Variants in KCTD10 observed in about 807,000 individuals in gnomAD.
The protein encoded by KCTD10 is BTB/POZ domain-containing adapter for CUL3-mediated RhoA degradation protein 3.
In KCTD10, 13 loss-of-function variants were observed where a neutral mutation model predicts 34.6. That is an observed-to-expected ratio of 0.38 (90% CI 0.24 to 0.60). The LOEUF (loss-of-function observed/expected upper bound fraction) is 0.60. Among genes scored for constraint, KCTD10 ranks in the 20% least tolerant of loss-of-function variants. KCTD10 has a pLI of 0.66. For missense variants in KCTD10, 256 were observed against 420.3 expected (o/e 0.61, Z 3.42); for synonymous variants, 156 against 168.8 (o/e 0.92, Z 0.59).
intron 1 of KCTD10, chr12:109,471,297 G>T (rs1003253882): frequency 3.0e-6 from 3 of 985,260 alleles, no homozygotes; most frequent in African/African-American, 1.7e-5. Flanking sequence ...TCAATTCAAG[G>T]TTATCCAACT....
Position 109,458,095 on chromosome 12 carries a change from T to A in KCTD10, c.388-17A>T. The A allele has an allele frequency of 2.5e-6, 4 of 1,609,236 alleles. No homozygotes were observed. The highest frequency in any genetic ancestry group is 3.4e-6 in the Non-Finnish European group (4 of 1,175,600). ...ATCTTTGTTCTGCTGGAACAAAACA[T>A]GCTTTCAGCCTAGGAGGCCTGCCTA... On this transcript the variant is annotated splice_polypyrimidine_tract_variant and intron_variant, in intron 3 of 6. Coordinates refer to ENST00000228495, the MANE Select transcript of KCTD10 (RefSeq NM_031954.5).
At position 109,456,107 on chromosome 12, in the gene KCTD10, G is replaced by C. The variant is rs373772372; in HGVS notation, c.723+11C>G. 2.5e-6 allele frequency: 4 copies of C among 1,613,920 alleles called. No individual in the cohort carries two copies. Among genetic ancestry groups the C allele is most frequent in the Non-Finnish European group, 3.4e-6 (4 of 1,179,900 alleles). On this transcript the variant is annotated intron_variant, in intron 6 of 6. Transcript: ENST00000228495. ...AACAGCCACTCCAAACTGTCCTCTC[G>C]AGGCTCTTACCTTGGTCTGTTTCTT...
At chr12:109,459,836 G>A (rs1481470700) in intron 3 of KCTD10, among the ~76,000 whole-genome samples, 3 of 152,266 alleles carry the variant, frequency 2.0e-5, no homozygotes, top group African/African-American at 7.2e-5. Context: ...AAGGGTGAAG[G>A]AGAGTAGGAG....
At chr12:109,462,466 G>A (rs1873387274) in intron 2 of KCTD10, among the ~76,000 whole-genome samples, 1 of 152,200 alleles carries the variant, frequency 6.6e-6, no homozygotes, top group Non-Finnish European at 1.5e-5. Flanking sequence ...TCCCAGGCAT[G>A]GTAAATCACA....
chr12:109,450,381 G>A lies in KCTD10; in HGVS notation c.*1214C>T, dbSNP rs982856728. 2 of 398,850 alleles carry A rather than the reference G, an allele frequency of 5.0e-6. No individual in the cohort carries two copies. Among genetic ancestry groups the A allele is most frequent in the African/African-American group, 2.1e-5 (1 of 48,582 alleles). 24.7% of individuals were successfully genotyped at this position (398,850 alleles called of 1,614,324 possible). A position where few individuals can be genotyped will look rare whatever the true frequency, so the allele number is the denominator to read the frequency against. On this transcript the variant is annotated 3_prime_UTR_variant, in exon 7 of 7. Transcript: ENST00000228495. ...CGCCACCTGTGCCCCACAAGCACAC[G>A]TCCCCACCCACAGTCACACATATCC...
In KCTD10 at chr12:109,477,159, C is replaced by T. The variant is rs1213862004; in HGVS notation, c.3+101G>A. The T allele has an allele frequency of 1.4e-5, 20 of 1,464,510 alleles. No homozygotes were observed. In the South Asian group the frequency reaches 2.4e-4, roughly 17 times the overall value. The allele number at this position is 1,464,510 out of a possible 1,614,324, so 90.7% of individuals were successfully genotyped here. A position where few individuals can be genotyped will look rare whatever the true frequency, so the allele number is the denominator to read the frequency against. On this transcript the variant is annotated intron_variant, in intron 1 of 6. Coordinates refer to ENST00000228495, the MANE Select transcript of KCTD10 (RefSeq NM_031954.5). ...ATGCCTCTCCACTATCGTGACTGCC[C>T]CTCATCACACCCCCTCCTCTCGGTC...
At chr12:109,458,104 C>A in intron 3 of KCTD10, 26 bp from the exon 4 acceptor site, 2 of 1,587,512 alleles carry the variant, frequency 1.3e-6, no homozygotes, top group Non-Finnish European at 1.7e-6. Flanking sequence ...ATGCTTTCAG[C>A]CTAGGAGGCC....
At chr12:109,456,371 T>C (rs992095525) in intron 5 of KCTD10, 58 bp from the exon 6 acceptor site, 1 of 1,522,128 alleles carries the variant, frequency 6.6e-7, no homozygotes, top group African/African-American at 1.4e-5. Flanking sequence ...CATCATTTGC[T>C]GGGCCCTTCT....
chr12:109,457,284 T>C (rs921477798), intron 5 of KCTD10: 1 of 204,766 alleles, frequency 4.9e-6, no homozygotes, highest in African/African-American at 2.3e-5. Context: ...GAAGCAATGG[T>C]TGAGGGAAAA....
rs1163547173 is a variant in KCTD10 at position 109,460,169 on chromosome 12, T to C, written c.387+467A>G. ...CAACTTTGTTTGAAATAAAGGGGTG[T>C]TGGCCATGTCTAGAAGCATTTTGTT... On this transcript the variant is annotated intron_variant, in intron 3 of 6. Coordinates refer to ENST00000228495, the MANE Select transcript of KCTD10 (RefSeq NM_031954.5). The surrounding 1 kb of genome is among the most constrained non-coding windows in gnomAD (Gnocchi z 4.5). Among the ~76,000 whole-genome samples the C allele has an allele frequency of 6.6e-6, 1 of 152,196 alleles. No homozygotes were observed. The highest frequency in any genetic ancestry group is 6.5e-5 in the Admixed American group (1 of 15,284).
At chr12:109,461,287 A>T (rs1873312645) in intron 2 of KCTD10, among the ~76,000 whole-genome samples, 2 of 152,226 alleles carry the variant, frequency 1.3e-5, no homozygotes, top group Admixed American at 6.5e-5. Flanking sequence ...TCACCCTCGC[A>T]GACTGTGACC....
In KCTD10 at chr12:109,449,310, C is replaced by CAAAG. The variant is rs1555256604; in HGVS notation, c.*2281_*2284dup. 2.6e-5 allele frequency: 4 copies of CAAAG among 152,180 alleles called. No homozygotes were observed. Among genetic ancestry groups the CAAAG allele is most frequent in the African/African-American group, 7.2e-5 (3 of 41,428 alleles). 9.4% of individuals were successfully genotyped at this position (152,180 alleles called of 1,614,324 possible). A position where few individuals can be genotyped will look rare whatever the true frequency, so the allele number is the denominator to read the frequency against. ...TAAACCTGTTCATATTCCAGAGAGA[C>CAAAG]AAAGACTCAAAACTACAAGTGCAAA... On this transcript the variant is annotated 3_prime_UTR_variant, in exon 7 of 7. Transcript: ENST00000228495.
intron 1 of KCTD10, among the ~76,000 whole-genome samples, chr12:109,473,471 C>T (rs530106211): frequency 6.6e-6 from 1 of 152,242 alleles, no homozygotes; most frequent in South Asian, 2.1e-4. Flanking sequence ...CTCAAACTAT[C>T]TTCTCTTTGG....
chr12:109,473,330 A>G (rs937144324), intron 1 of KCTD10, among the ~76,000 whole-genome samples: 1 of 152,228 alleles, frequency 6.6e-6, no homozygotes, highest in Non-Finnish European at 1.5e-5. Flanking sequence ...AGACCTGTGC[A>G]TAAGGCCCCA....
chr12:109,453,837 G>C (rs1220535094), intron 6 of KCTD10, among the ~76,000 whole-genome samples: 2 of 151,670 alleles, frequency 1.3e-5, no homozygotes, highest in Non-Finnish European at 2.9e-5. Flanking sequence ...CCCACACCCA[G>C]CTGCAAGATC....
Position 109,460,542 on chromosome 12 carries a change from C to A in KCTD10, c.387+94G>T. On this transcript the variant is annotated intron_variant, in intron 3 of 6. Transcript: ENST00000228495. This position sits in a 1 kb window ranked among gnomAD's most constrained non-coding sequence, Gnocchi z 4.5. Reference sequence around the variant, plus strand: ...TAACTCTCACAACATCTCAGTCAGACAGAAACTGCCCCCATTTTGCAGAGA... The same window carrying A: ...TAACTCTCACAACATCTCAGTCAGAAAGAAACTGCCCCCATTTTGCAGAGA... The A allele has an allele frequency of 1.5e-6, 2 of 1,344,532 alleles. No homozygotes were observed. Among genetic ancestry groups the A allele is most frequent in the Non-Finnish European group, 2.1e-6 (2 of 966,332 alleles). 83.3% of individuals were successfully genotyped at this position (1,344,532 alleles called of 1,614,324 possible). A position where few individuals can be genotyped will look rare whatever the true frequency, so the allele number is the denominator to read the frequency against.
At chr12:109,456,543 C>A (rs1798856711) in intron 5 of KCTD10, 2 of 547,002 alleles carry the variant, frequency 3.7e-6, no homozygotes, top group Admixed American at 6.0e-5. Flanking sequence ...GGCAGACACG[C>A]CCCCCAAAAG....
At position 109,470,382 on chromosome 12, in the gene KCTD10, T is replaced by C. The variant is rs1403480255; in HGVS notation, c.4-654A>G. 4 of 985,588 alleles carry C rather than the reference T, an allele frequency of 4.1e-6. No individual in the cohort carries two copies. In the East Asian group the frequency reaches 3.4e-4, roughly 84 times the overall value. The allele number at this position is 985,588 out of a possible 1,614,324, so 61.1% of individuals were successfully genotyped here. ...TATTGCAAAATTAGACCTCCTAGAC[T>C]AGTGCTGCCCAAAAGAGCAAGATCC... On this transcript the variant is annotated intron_variant, in intron 1 of 6. Coordinates refer to ENST00000228495, the MANE Select transcript of KCTD10 (RefSeq NM_031954.5).
At chr12:109,463,986 A>G (rs1405892391) in intron 2 of KCTD10, among the ~76,000 whole-genome samples, 1 of 152,178 alleles carries the variant, frequency 6.6e-6, no homozygotes, top group Non-Finnish European at 1.5e-5. Flanking sequence ...CAGGGACCCA[A>G]GGGAGGAGAA....
Sources: allele counts gnomAD v4.1 joint callset (sites outside exome capture counted in the v4.1 genomes callset), GRCh38; gene constraint gnomAD v4.1.1; non-coding constraint Gnocchi (gnomAD v3.1); transcripts MANE v1.5; gene names NCBI Gene and HGNC (gene_info 2026-07-23, HGNC 2026-07-21).